Variants in RNF220 observed in about 807,000 individuals in gnomAD.
The protein encoded by RNF220 is E3 ubiquitin-protein ligase RNF220.
Under a neutral mutation model 67.1 loss-of-function variants are expected in RNF220, and 7 were observed. The observed-to-expected ratio is 0.10, with a 90% CI of 0.06 to 0.20. The LOEUF (loss-of-function observed/expected upper bound fraction) is 0.20. RNF220 is among the 10% of genes least tolerant of loss of function. The pLI, the probability that RNF220 is intolerant of heterozygous loss-of-function variation, is 1.00. For synonymous variants in RNF220, 270 were observed against 283.2 expected (o/e 0.95, Z 0.47); for missense variants, 565 against 740.3 (o/e 0.76, Z 2.75).
rs753114026 is a variant in RNF220 at position 44,635,536 on chromosome 1, C to T, written c.950-9C>T. ...TGTTCTGTGCTTTGTTTTCGGTTTC[C>T]CCGTGCAGCTCGGATTGGGAAAATG... On this transcript the variant is annotated splice_polypyrimidine_tract_variant and intron_variant, in intron 6 of 14. Coordinates refer to ENST00000361799, the MANE Select transcript of RNF220 (RefSeq NM_018150.4). 1.9e-6 allele frequency: 3 copies of T among 1,601,414 alleles called. No individual in the cohort carries two copies. In the African/African-American group the frequency reaches 4.5e-5, roughly 24 times the overall value.
At chr1:44,420,103 T>C (rs1484801351) in intron 2 of RNF220, among the ~76,000 whole-genome samples, 3 of 152,240 alleles carry the variant, frequency 2.0e-5, no homozygotes, top group African/African-American at 4.8e-5. Context: ...AATTCAGATA[T>C]GTGGCTGTCA....
At chr1:44,425,361 G>A (rs912422180) in intron 2 of RNF220, among the ~76,000 whole-genome samples, 28 of 152,130 alleles carry the variant, frequency 1.8e-4, no homozygotes, top group African/African-American at 5.8e-4. Context: ...TCCATCTAGC[G>A]TGTCCCCTCA....
At chr1:44,446,111 A>G (rs1181393390) in intron 2 of RNF220, among the ~76,000 whole-genome samples, 1 of 152,230 alleles carries the variant, frequency 6.6e-6, no homozygotes, top group Non-Finnish European at 1.5e-5. Context: ...AATTGCTTTA[A>G]GCAGTATTTG....
intron 2 of RNF220, among the ~76,000 whole-genome samples, chr1:44,481,883 C>T (rs565874086): frequency 1.3e-5 from 2 of 152,222 alleles, no homozygotes; most frequent in South Asian, 4.1e-4. Flanking sequence ...GGATGGAATC[C>T]AGACCACTTG....
At chr1:44,537,514 G>A (rs979454953) in intron 2 of RNF220, among the ~76,000 whole-genome samples, 2 of 152,024 alleles carry the variant, frequency 1.3e-5, no homozygotes, top group African/African-American at 4.8e-5. Context: ...GCATAGAGGG[G>A]GATCCATAGA....
intron 2 of RNF220, among the ~76,000 whole-genome samples, chr1:44,515,664 T>C (rs1659397977): frequency 6.6e-6 from 1 of 152,172 alleles, no homozygotes; most frequent in African/African-American, 2.4e-5. Context: ...GGTGCCAGTA[T>C]AGGGGAAAAT....
Position 44,621,236 on chromosome 1 carries a change from A to T in RNF220, c.759-1506A>T, listed in dbSNP as rs1310263835. Among the ~76,000 whole-genome samples, 1 of 152,176 alleles carries T rather than the reference A, an allele frequency of 6.6e-6. No individual in the cohort carries two copies. Among genetic ancestry groups the T allele is most frequent in the Non-Finnish European group, 1.5e-5 (1 of 68,020 alleles). The stretch of plus-strand genomic sequence containing the variant: ...GGACCATGCATCTGTCTTTATGGAC[A>T]TGTGTCTGGGAATATGCCTCTGTGG... On this transcript the variant is annotated intron_variant, in intron 3 of 14. Transcript: ENST00000361799. This position sits in a 1 kb window ranked among gnomAD's most constrained non-coding sequence, Gnocchi z 4.8.
At chr1:44,452,571 T>C (rs529804391) in intron 2 of RNF220, among the ~76,000 whole-genome samples, 1 of 152,174 alleles carries the variant, frequency 6.6e-6, no homozygotes, top group African/African-American at 2.4e-5. Flanking sequence ...ATAATAAAAA[T>C]AAATAAATAA....
At chr1:44,535,605 T>C (rs1661159722) in intron 2 of RNF220, among the ~76,000 whole-genome samples, 1 of 152,246 alleles carries the variant, frequency 6.6e-6, no homozygotes, top group African/African-American at 2.4e-5. Flanking sequence ...AAAGGAAATG[T>C]GGCTGTTCAT....
At chr1:44,572,529 G>A (rs770909384) in intron 2 of RNF220, among the ~76,000 whole-genome samples, 18 of 152,358 alleles carry the variant, frequency 1.2e-4, no homozygotes, top group Non-Finnish European at 2.4e-4. Context: ...AGCACAAAGT[G>A]GGTGCTGAAT....
intron 8 of RNF220, among the ~76,000 whole-genome samples, chr1:44,641,040 C>A (rs1644474167): frequency 6.6e-6 from 1 of 151,916 alleles, no homozygotes; most frequent in Non-Finnish European, 1.5e-5. Context: ...ATTAAATTAA[C>A]ACTGATTTTT....
intron 2 of RNF220, among the ~76,000 whole-genome samples, chr1:44,538,916 G>A (rs1310614733): frequency 1.2e-5 from 1 of 86,404 alleles, no homozygotes; most frequent in East Asian, 2.6e-4. Context: ...ACTCCATCTA[G>A]GGAAAAAAAA....
intron 2 of RNF220, among the ~76,000 whole-genome samples, chr1:44,423,288 A>G (rs569147348): frequency 6.6e-6 from 1 of 152,300 alleles, no homozygotes; most frequent in South Asian, 2.1e-4. Flanking sequence ...CTGAGAGTGG[A>G]AGAAAGAACT....
rs180970564 is a variant in RNF220 at position 44,528,641 on chromosome 1, A to T, written c.626-85524A>T. 2.0e-3 allele frequency among the ~76,000 whole-genome samples: 279 copies of T among 137,952 alleles called. 3 individuals are homozygous for T. The East Asian group carries it at 0.052, about 26-fold the overall frequency. The allele number at this position is 137,952 out of a possible 152,430, so 90.5% of individuals were successfully genotyped here. A position where few individuals can be genotyped will look rare whatever the true frequency, so the allele number is the denominator to read the frequency against. The stretch of plus-strand genomic sequence containing the variant: ...TTTTTTTTTTTTTTTTTGAGACAGA[A>T]TCTCACTCTATTGCCCAAGCTGGAG... On this transcript the variant is annotated intron_variant, in intron 2 of 14. Transcript: ENST00000361799.
intron 2 of RNF220, among the ~76,000 whole-genome samples, chr1:44,502,004 G>C (rs924479248): frequency 6.8e-6 from 1 of 147,256 alleles, no homozygotes; most frequent in East Asian, 2.0e-4. Flanking sequence ...GCAATTCCAA[G>C]TTGGGGAGTG....
rs1667057956 is a variant in RNF220 at position 44,603,300 on chromosome 1, C to T, written c.626-10865C>T. ...CTGGGAAAAGGTAAACATGCTCAGC[C>T]CAGCAAATTAATTTCTGGCTGAAGC... On this transcript the variant is annotated intron_variant, in intron 2 of 14. Coordinates refer to ENST00000361799, the MANE Select transcript of RNF220 (RefSeq NM_018150.4). Among the ~76,000 whole-genome samples the T allele has an allele frequency of 2.0e-5, 3 of 152,348 alleles. No individual in the cohort carries two copies. The South Asian group carries it at 6.2e-4, about 32-fold the overall frequency.
At chr1:44,462,402 G>A (rs1475081153) in intron 2 of RNF220, among the ~76,000 whole-genome samples, 1 of 151,906 alleles carries the variant, frequency 6.6e-6, no homozygotes, top group Admixed American at 6.6e-5. Flanking sequence ...ATAATATGTC[G>A]CTATAACCAG....
chr1:44,605,311 A>AAAAAAAG (rs35126399), intron 2 of RNF220, among the ~76,000 whole-genome samples: 11 of 143,412 alleles, frequency 7.7e-5, no homozygotes, highest in African/African-American at 1.8e-4. Context: ...AAAAAAAAAA[A>AAAAAAAG]AGAAAAGAAA....
intron 2 of RNF220, among the ~76,000 whole-genome samples, chr1:44,489,306 C>A (rs1656637503): frequency 6.6e-6 from 1 of 152,146 alleles, no homozygotes; most frequent in Non-Finnish European, 1.5e-5. Context: ...TAGCATCAGA[C>A]AAGCATTTGA....
Sources: gnomAD v4.1 joint callset for allele counts (sites outside exome capture counted in the v4.1 genomes callset) on GRCh38, gnomAD v4.1.1 for gene constraint, Gnocchi (gnomAD v3.1) non-coding constraint, MANE v1.5 for transcripts, NCBI Gene and HGNC (gene_info 2026-07-23, HGNC 2026-07-21) for gene names.